Variants in ISLR2 observed in about 807,000 individuals in gnomAD.
The protein encoded by ISLR2 is immunoglobulin superfamily containing leucine-rich repeat protein 2.
ISLR2 carries 16 observed loss-of-function variants against 25.5 expected under a neutral mutation model. That is an observed-to-expected ratio of 0.63 (90% CI 0.43 to 0.95). ISLR2 has a LOEUF of 0.95. Among genes scored for constraint, ISLR2 ranks in the 40% least tolerant of loss-of-function variants. The pLI, the probability that ISLR2 is intolerant of heterozygous loss-of-function variation, is 0.00. For synonymous variants in ISLR2, 508 were observed against 486.6 expected (o/e 1.04, Z -0.58); for missense variants, 883 against 1,030.7 (o/e 0.86, Z 1.96).
upstream of ISLR2, among the ~76,000 whole-genome samples, chr15:74,125,175 A>G (rs1019633855): frequency 6.6e-6 from 1 of 152,090 alleles, no homozygotes; most frequent in South Asian, 2.1e-4. Flanking sequence ...GGGATTGCCA[A>G]GCATTTTGCA....
In ISLR2 at chr15:74,132,629, G is replaced by A; in HGVS notation, c.-8-118G>A. The A allele has an allele frequency of 7.3e-7, 1 of 1,376,582 alleles. No individual in the cohort carries two copies. The highest frequency in any genetic ancestry group is 2.7e-5 in the Admixed American group (1 of 36,750). 85.3% of individuals were successfully genotyped at this position (1,376,582 alleles called of 1,614,324 possible). ...AGAGAGGCTCCTGGCCATAGAGGAG[G>A]TTACCGGAGCCCTGGAACTAGTGCT... On this transcript the variant is annotated intron_variant, in intron 2 of 2. Coordinates refer to ENST00000453268, the MANE Select transcript of ISLR2 (RefSeq NM_020851.3). This position sits in a 1 kb window ranked among gnomAD's most constrained non-coding sequence, Gnocchi z 4.3.
intron 2 of ISLR2, among the ~76,000 whole-genome samples, chr15:74,106,555 T>C (rs567136774): frequency 6.6e-6 from 1 of 152,196 alleles, no homozygotes; most frequent in Non-Finnish European, 1.5e-5. Context: ...ATCCCACCAC[T>C]GAGTTCAGTC....
At chr15:74,138,288 C>CTTTTT (rs34518777), downstream of ISLR2, 24 of 91,594 alleles carry the variant, frequency 2.6e-4, no homozygotes, top group Admixed American at 5.0e-4. Flanking sequence ...TTTCTTTTCT[C>CTTTTT]TTTTTTTTTT....
At chr15:74,112,899 C>T (rs186806909) in intron 2 of ISLR2, among the ~76,000 whole-genome samples, 1 of 150,008 alleles carries the variant, frequency 6.7e-6, no homozygotes, top group East Asian at 2.0e-4. Context: ...ATGATCTCAG[C>T]TCACTGCAAC....
At chr15:74,121,619 A>G (rs930425899) in intron 2 of ISLR2, among the ~76,000 whole-genome samples, 1 of 152,178 alleles carries the variant, frequency 6.6e-6, no homozygotes, top group African/African-American at 2.4e-5. Context: ...GAAGGGAGAA[A>G]GACTTCCAAA....
At chr15:74,116,534 T>C (rs1454628162) in intron 2 of ISLR2, among the ~76,000 whole-genome samples, 2 of 152,092 alleles carry the variant, frequency 1.3e-5, no homozygotes, top group African/African-American at 4.8e-5. Flanking sequence ...AGTTCTTTGG[T>C]CAGAAGAAAA....
Position 74,134,449 on chromosome 15 carries a change from C to T in ISLR2, c.1695C>T (p.Ser565=), listed in dbSNP as rs1247258123. 6.2e-7 allele frequency: 1 copy of T among 1,612,994 alleles called. No homozygotes were observed. The highest frequency in any genetic ancestry group is 8.5e-7 in the Non-Finnish European group (1 of 1,179,940). Residue 565 remains serine, a synonymous_variant, in exon 3 of 3, where the codon TCC becomes TCT. Coordinates refer to ENST00000453268, the MANE Select transcript of ISLR2 (RefSeq NM_020851.3). The part of the protein sequence containing the change: ...FRGLRPGTNY[S]VCLALAGEAC... ...GCCTGCGGCCGGGTACCAACTACTC[C>T]GTGTGCCTGGCGCTGGCGGGCGAAG...
intron 2 of ISLR2, among the ~76,000 whole-genome samples, chr15:74,112,634 TCTC>T (rs1295899104): frequency 6.6e-6 from 1 of 150,886 alleles, no homozygotes; most frequent in African/African-American, 2.4e-5. Flanking sequence ...TTCAAGCAAT[TCTC>T]CTACCTCAGC....
rs1016657915 is a variant in ISLR2, at chr15:74,110,684, T to C, written n.228+6770T>C. On this transcript the variant is annotated intron_variant and non_coding_transcript_variant, in intron 2 of 3. Coordinates refer to the ISLR2 transcript ENST00000561975. ...AAAAAAAAAAAAAAAAGGCTGGGCA[T>C]GGTGTCTCTCACCTGTAATCCCAGC... Among the ~76,000 whole-genome samples the C allele has an allele frequency of 6.3e-5, 9 of 142,728 alleles. No homozygotes were observed. In the Admixed American group the frequency reaches 6.4e-4, roughly 10 times the overall value. The allele number at this position is 142,728 out of a possible 152,430, so 93.6% of individuals were successfully genotyped here.
At chr15:74,113,278 TG>T (rs2072184265) in intron 2 of ISLR2, among the ~76,000 whole-genome samples, 1 of 152,158 alleles carries the variant, frequency 6.6e-6, no homozygotes, top group African/African-American at 2.4e-5. Context: ...GTCCACAGCC[TG>T]GGGGTTATGG....
At chr15:74,122,962 G>A (rs2072264560) in intron 2 of ISLR2, among the ~76,000 whole-genome samples, 1 of 152,174 alleles carries the variant, frequency 6.6e-6, no homozygotes, top group Non-Finnish European at 1.5e-5. Flanking sequence ...TCTGTGTCCT[G>A]TGATGGCCCC....
upstream of ISLR2, chr15:74,128,715 A>G (rs1429326663): frequency 2.2e-6 from 1 of 454,022 alleles, no homozygotes; most frequent in Admixed American, 2.4e-5. Flanking sequence ...CTCAGTCCCG[A>G]AAAGTCCCCT....
chr15:74,121,485 C>G (rs180879714), intron 2 of ISLR2, among the ~76,000 whole-genome samples: 103 of 152,210 alleles, frequency 6.8e-4, no homozygotes, highest in Admixed American at 1.6e-3. Flanking sequence ...CTGAGGCACC[C>G]TTCCTCAGCT....
chr15:74,134,761 A>C lies in ISLR2; in HGVS notation c.2007A>C (p.Pro669=). Residue 669 remains proline (P), a synonymous_variant, in exon 3 of 3, where the codon CCA becomes CCC. Coordinates refer to ENST00000453268, the MANE Select transcript of ISLR2 (RefSeq NM_020851.3). The part of the protein sequence containing the change: ...PAGGEAGGEE[P]EDVQGEGLDE... ...GCGGCGAGGCGGGCGGCGAGGAGCC[A>C]GAGGACGTGCAGGGGGAGGGCCTTG... 1 of 1,613,968 alleles carries C rather than the reference A, an allele frequency of 6.2e-7. No individual in the cohort carries two copies. The highest frequency in any genetic ancestry group is 1.1e-5 in the South Asian group (1 of 91,074).
chr15:74,116,839 G>A (rs1195968732), intron 2 of ISLR2, among the ~76,000 whole-genome samples: 1 of 152,198 alleles, frequency 6.6e-6, no homozygotes, highest in African/African-American at 2.4e-5. Flanking sequence ...ATTGCTCCTG[G>A]AAGTGGGAAG....
chr15:74,115,945 C>T (rs2072207094), intron 2 of ISLR2, among the ~76,000 whole-genome samples: 1 of 149,864 alleles, frequency 6.7e-6, no homozygotes, highest in South Asian at 2.1e-4. Context: ...CACCAGTAAT[C>T]CCAGCACTTT....
chr15:74,136,887 C>T (rs543001932), downstream of ISLR2: 3 of 164,856 alleles, frequency 1.8e-5, no homozygotes, highest in Non-Finnish European at 2.9e-5. Context: ...GGAGCCCCCC[C>T]AGAGCCTCCC....
At chr15:74,128,668 G>C, upstream of ISLR2, 1 of 456,322 alleles carries the variant, frequency 2.2e-6, no homozygotes, top group South Asian at 1.5e-5. Context: ...GTAAAAACCG[G>C]CGGAGGGCCT....
At chr15:74,140,811 C>T (rs1404389420), downstream of ISLR2, among the ~76,000 whole-genome samples, 5 of 152,174 alleles carry the variant, frequency 3.3e-5, no homozygotes, top group African/African-American at 1.2e-4. Context: ...GAAATGTAGC[C>T]ACCCACACCT....
Sources: allele counts gnomAD v4.1 joint callset (sites outside exome capture counted in the v4.1 genomes callset), GRCh38; gene constraint gnomAD v4.1.1; non-coding constraint Gnocchi (gnomAD v3.1); transcripts MANE v1.5; gene names NCBI Gene and HGNC (gene_info 2026-07-23, HGNC 2026-07-21).